The following SH3GL2 variants were observed in gnomAD, a reference collection of about 807,000 sequenced individuals.
SH3GL2 encodes the protein SH3 domain containing GRB2 like 2, endophilin A1, also known as endophilin-A1.
In SH3GL2, 24 loss-of-function variants were observed where a neutral mutation model predicts 46.0. That is an observed-to-expected ratio of 0.52 (90% CI 0.38 to 0.73). The LOEUF (loss-of-function observed/expected upper bound fraction) is 0.73, where lower values mean the gene tolerates loss of function less well. Among genes scored for constraint, SH3GL2 ranks in the 30% least tolerant of loss-of-function variants. SH3GL2 has a pLI of 0.00. For missense variants in SH3GL2, 413 were observed against 424.2 expected (o/e 0.97, Z 0.23); for synonymous variants, 196 against 147.1 (o/e 1.33, Z -2.40).
rs1317121390 is a variant in SH3GL2, at chr9:17,703,472, C to A, written c.46-43594C>A. On this transcript the variant is annotated intron_variant, in intron 1 of 8. Transcript: ENST00000380607. Reference sequence around the variant, plus strand: ...TGTGAGGTCAGCATCATCCTGATACCAAAACCTGGCAGAGTCACAATGAAA... The same window carrying A: ...TGTGAGGTCAGCATCATCCTGATACAAAAACCTGGCAGAGTCACAATGAAA... Among the ~76,000 whole-genome samples the A allele has an allele frequency of 3.3e-5, 5 of 151,904 alleles. No homozygotes were observed. The East Asian group carries it at 9.8e-4, about 30-fold the overall frequency.
intron 1 of SH3GL2, among the ~76,000 whole-genome samples, chr9:17,607,358 A>G (rs1453929107): frequency 6.6e-6 from 1 of 152,266 alleles, no homozygotes; most frequent in South Asian, 2.1e-4. Context: ...GAAAAGATAC[A>G]GTAAAAATAT....
chr9:17,685,787 G>A (rs948938898), intron 1 of SH3GL2, among the ~76,000 whole-genome samples: 5 of 151,940 alleles, frequency 3.3e-5, no homozygotes, highest in African/African-American at 1.2e-4. Context: ...TGAGGGCTCT[G>A]TTCTGTTCCA....
intron 1 of SH3GL2, among the ~76,000 whole-genome samples, chr9:17,611,554 A>T (rs1312556930): frequency 1.3e-5 from 2 of 152,132 alleles, no homozygotes; most frequent in African/African-American, 4.8e-5. Flanking sequence ...TGTATATGGG[A>T]TGTATCTGAG....
intron 1 of SH3GL2, among the ~76,000 whole-genome samples, chr9:17,649,596 G>GTTTA (rs1819906552): frequency 6.6e-6 from 1 of 152,134 alleles, no homozygotes; most frequent in African/African-American, 2.4e-5. Context: ...GGAAAAAATA[G>GTTTA]TTTACTATGT....
intron 1 of SH3GL2, among the ~76,000 whole-genome samples, chr9:17,709,713 ACG>A (rs1554642390): frequency 2.1e-5 from 3 of 145,630 alleles, no homozygotes; most frequent in East Asian, 4.0e-4. Flanking sequence ...ACACACACAC[ACG>A]TTTAACCTGT....
At chr9:17,639,124 T>G (rs979059168) in intron 1 of SH3GL2, among the ~76,000 whole-genome samples, 4 of 152,240 alleles carry the variant, frequency 2.6e-5, no homozygotes, top group African/African-American at 9.6e-5. Context: ...ATGAAACCAT[T>G]GCCATTTTCT....
chr9:17,622,512 G>C (rs1379981912), intron 1 of SH3GL2, among the ~76,000 whole-genome samples: 9 of 152,146 alleles, frequency 5.9e-5, no homozygotes, highest in Non-Finnish European at 1.2e-4. Flanking sequence ...CCTATTTCCA[G>C]ATTCGGCGCC....
At position 17,644,953 on chromosome 9, in the gene SH3GL2, A is replaced by G. The variant is rs533146572; in HGVS notation, c.45+65666A>G. Among the ~76,000 whole-genome samples the G allele has an allele frequency of 5.0e-4, 56 of 111,730 alleles. No individual in the cohort carries two copies. In the East Asian group the frequency reaches 0.013, roughly 26 times the overall value. The allele number at this position is 111,730 out of a possible 152,430, so 73.3% of individuals were successfully genotyped here. A position where few individuals can be genotyped will look rare whatever the true frequency, so the allele number is the denominator to read the frequency against. ...AAGTCTCCCACTGTTATTGTGTGGG[A>G]GCCTAAGTTTCTTTGTAGGTCTCTA... On this transcript the variant is annotated intron_variant, in intron 1 of 8. Coordinates refer to ENST00000380607, the MANE Select transcript of SH3GL2 (RefSeq NM_003026.5).
intron 3 of SH3GL2, among the ~76,000 whole-genome samples, chr9:17,766,780 G>A (rs899884777): frequency 5.9e-5 from 9 of 151,972 alleles, no homozygotes; most frequent in African/African-American, 1.9e-4. Flanking sequence ...GTGGCCAGTG[G>A]TGCCCGTAAT....
At chr9:17,618,583 T>C (rs1588177327) in intron 1 of SH3GL2, among the ~76,000 whole-genome samples, 1 of 152,182 alleles carries the variant, frequency 6.6e-6, no homozygotes, top group East Asian at 1.9e-4. Flanking sequence ...TTTATAGTCT[T>C]TATTTACCTG....
At chr9:17,587,189 G>A (rs987944891) in intron 1 of SH3GL2, among the ~76,000 whole-genome samples, 1 of 152,070 alleles carries the variant, frequency 6.6e-6, no homozygotes, top group African/African-American at 2.4e-5. Context: ...GCGACAGAGC[G>A]AGACTGTCTC....
chr9:17,720,815 G>A (rs566545025), intron 1 of SH3GL2, among the ~76,000 whole-genome samples: 1 of 152,216 alleles, frequency 6.6e-6, no homozygotes, highest in African/African-American at 2.4e-5. Flanking sequence ...ATCTAAACTG[G>A]TGGTTCTTGA....
At chr9:17,593,665 G>C (rs902214887) in intron 1 of SH3GL2, among the ~76,000 whole-genome samples, 1 of 152,108 alleles carries the variant, frequency 6.6e-6, no homozygotes. Context: ...TGCCTGTAAT[G>C]GGGTATTTAA....
chr9:17,777,611 G>A (rs1340841223), intron 3 of SH3GL2, among the ~76,000 whole-genome samples: 1 of 151,584 alleles, frequency 6.6e-6, no homozygotes, highest in East Asian at 1.9e-4. Flanking sequence ...TTTAATTTCT[G>A]ATGAGGGCTC....
At chr9:17,793,800 C>T (rs1211769612) in intron 8 of SH3GL2, among the ~76,000 whole-genome samples, 14 of 152,222 alleles carry the variant, frequency 9.2e-5, no homozygotes, top group South Asian at 6.2e-4. Flanking sequence ...GGTCGTAAAT[C>T]GCCTTTCCTT....
intron 1 of SH3GL2, among the ~76,000 whole-genome samples, chr9:17,730,273 T>C (rs1822139551): frequency 6.6e-6 from 1 of 152,080 alleles, no homozygotes; most frequent in African/African-American, 2.4e-5. Flanking sequence ...ATTATTGGTG[T>C]ATGGGAATGT....
At chr9:17,635,860 G>A (rs1819530052) in intron 1 of SH3GL2, among the ~76,000 whole-genome samples, 1 of 152,186 alleles carries the variant, frequency 6.6e-6, no homozygotes, top group Non-Finnish European at 1.5e-5. Flanking sequence ...AGGAAGGTTT[G>A]GAAGGATAAA....
intron 1 of SH3GL2, among the ~76,000 whole-genome samples, chr9:17,629,358 A>G (rs557932060): frequency 1.3e-5 from 2 of 152,368 alleles, no homozygotes; most frequent in Non-Finnish European, 2.9e-5. Flanking sequence ...AGATCCATGC[A>G]GCTTGGGTGG....
intron 1 of SH3GL2, among the ~76,000 whole-genome samples, chr9:17,580,183 A>G (rs1241067667): frequency 6.6e-6 from 1 of 152,198 alleles, no homozygotes; most frequent in African/African-American, 2.4e-5. Flanking sequence ...TGTGATTACT[A>G]CTTTTTTATC....
Sources: allele counts gnomAD v4.1 joint callset (sites outside exome capture counted in the v4.1 genomes callset), GRCh38; gene constraint gnomAD v4.1.1; transcripts MANE v1.5; gene names NCBI Gene and HGNC (gene_info 2026-07-23, HGNC 2026-07-21).